The following GLB1 variants were observed in gnomAD, a reference collection of about 807,000 sequenced individuals.
GLB1 encodes the protein galactosidase beta 1.
A neutral mutation model predicts 74.0 loss-of-function variants in GLB1; 56 were observed. That is an observed-to-expected ratio of 0.76 (90% confidence interval 0.61 to 0.94). The LOEUF (loss-of-function observed/expected upper bound fraction) is 0.94. GLB1 is among the 40% of genes least tolerant of loss of function. The pLI is 0.00. For missense variants in GLB1, 787 were observed against 845.5 expected, an observed-to-expected ratio of 0.93 and a Z score of 0.86; for synonymous variants, 323 against 323.6, an observed-to-expected ratio of 1.00 and a Z score of 0.02.
At chr3:33,018,368 C>CA (rs1697327400) in intron 13 of GLB1, 80 bp downstream of exon 13, 1 of 1,271,776 alleles carries the variant, frequency 7.9e-7, no homozygotes, top group Non-Finnish European at 1.1e-6. Context: ...GCAAAGACCC[C>CA]AAATGCTGTG....
At chr3:33,072,219 A>G (rs1699912524) in intron 2 of GLB1, among the ~76,000 whole-genome samples, 1 of 152,156 alleles carries the variant, frequency 6.6e-6, no homozygotes, top group African/African-American at 2.4e-5. Flanking sequence ...AATAATACCT[A>G]TCTCGAGGAA....
intron 10 of GLB1, among the ~76,000 whole-genome samples, chr3:33,026,242 C>T (rs546072393): frequency 4.0e-4 from 61 of 152,314 alleles, no homozygotes; most frequent in African/African-American, 1.4e-3. Flanking sequence ...CTTCTCCCAG[C>T]GCCACTCCGA....
chr3:32,966,882 C>A, the GLB1 span, among the ~76,000 whole-genome samples: 1 of 152,140 alleles, frequency 6.6e-6, no homozygotes, highest in Non-Finnish European at 1.5e-5. Flanking sequence ...GTAAGACGTG[C>A]CTTTGCTCCT....
intron 10 of GLB1, among the ~76,000 whole-genome samples, chr3:33,025,898 C>A (rs1336121286): frequency 6.6e-6 from 1 of 152,164 alleles, no homozygotes; most frequent in African/African-American, 2.4e-5. Context: ...ACCCTGGCCC[C>A]GCGTCACTGC....
the GLB1 span, among the ~76,000 whole-genome samples, chr3:32,976,865 A>T: frequency 4.2e-4 from 64 of 152,214 alleles, no homozygotes; most frequent in Non-Finnish European, 8.7e-4. Context: ...GGATGGTGGT[A>T]GAATATCTTT....
Position 33,001,585 on chromosome 3 carries a change from C to A in GLB1, c.1735-4241G>T, listed in dbSNP as rs143903345. On this transcript the variant is annotated intron_variant, in intron 15 of 15. Transcript: ENST00000307363. ...TATTATCATGATTTGAAATTCATAT[C>A]TTTTGTTTGATGACTAGTTTATGAG... 2.6e-5 allele frequency among the ~76,000 whole-genome samples: 4 copies of A among 152,186 alleles called. No individual in the cohort carries two copies. In the East Asian group the frequency reaches 7.7e-4, roughly 29 times the overall value.
At chr3:33,065,320 T>C (rs1015363199) in intron 5 of GLB1, 143 bp downstream of exon 5, 13 of 1,162,326 alleles carry the variant, frequency 1.1e-5, no homozygotes, top group African/African-American at 1.1e-4. Flanking sequence ...CCAAATGCAA[T>C]TGAACTAAAA....
At chr3:33,077,228 G>A (rs1700145557) in intron 1 of GLB1, 2 of 1,545,662 alleles carry the variant, frequency 1.3e-6, no homozygotes, top group Non-Finnish European at 1.7e-6. Context: ...GCCCAAGGAA[G>A]GAATCGAGAC....
chr3:32,969,902 G>A, the GLB1 span, among the ~76,000 whole-genome samples: 1 of 152,266 alleles, frequency 6.6e-6, no homozygotes. Context: ...TGGCCCCCGG[G>A]AGTTCAGGAA....
At chr3:32,985,975 G>T in the GLB1 span, among the ~76,000 whole-genome samples, 1 of 152,196 alleles carries the variant, frequency 6.6e-6, no homozygotes, top group African/African-American at 2.4e-5. Flanking sequence ...TCCTCCCAAA[G>T]TGCTGGGATT....
chr3:32,976,700 C>T, the GLB1 span, among the ~76,000 whole-genome samples: 1 of 152,230 alleles, frequency 6.6e-6, no homozygotes, highest in South Asian at 2.1e-4. Flanking sequence ...CTTCTTAGGG[C>T]CCCTTCCTCA....
At chr3:33,024,474 C>T (rs1043420652) in intron 10 of GLB1, 149 bp from the exon 11 acceptor site, 26 of 812,806 alleles carry the variant, frequency 3.2e-5, no homozygotes, top group Middle Eastern at 3.7e-4. Flanking sequence ...GAGACTTCTT[C>T]CAAAGCAGGA....
intron 15 of GLB1, among the ~76,000 whole-genome samples, chr3:33,009,517 T>G (rs1237251599): frequency 6.6e-6 from 1 of 151,086 alleles, no homozygotes; most frequent in Non-Finnish European, 1.5e-5. Context: ...AGCAAGACTG[T>G]CTCAAAAAAA....
In GLB1 at chr3:33,016,820, C is replaced by T. The variant is rs1163359484; in HGVS notation, c.1368G>A (p.Glu456=). 1.2e-6 allele frequency: 2 copies of T among 1,614,096 alleles called. No individual in the cohort carries two copies. Among genetic ancestry groups the T allele is most frequent in the South Asian group, 1.1e-5 (1 of 91,074 alleles). The change falls in exon 14 of 16, where the codon GAG becomes GAA. Residue 456 remains glutamate (E), a synonymous_variant. Coordinates refer to ENST00000307363, the MANE Select transcript of GLB1 (RefSeq NM_000404.4). ...AVDGIPQGVL[E]RNNVITLNIT... ...TGTTCAGAGTGATCACATTGTTTCG[C>T]TCAAGGACTCCCTGGGGGATCTGTG... is the stretch of plus-strand genomic sequence containing the variant.
intron 1 of GLB1, among the ~76,000 whole-genome samples, chr3:33,083,837 T>A (rs1032663949): frequency 6.6e-6 from 1 of 152,176 alleles, no homozygotes; most frequent in African/African-American, 2.4e-5. Flanking sequence ...TAAATAAGCA[T>A]CTTTTTTAAA....
chr3:33,064,217 T>G (rs1262680845), intron 5 of GLB1, among the ~76,000 whole-genome samples: 4 of 149,754 alleles, frequency 2.7e-5, no homozygotes, highest in African/African-American at 4.9e-5. Context: ...GGTGGGTGAA[T>G]CACCTGAGGT....
chr3:33,078,388 A>AT (rs1274422502), intron 1 of GLB1, among the ~76,000 whole-genome samples: 1 of 152,216 alleles, frequency 6.6e-6, no homozygotes, highest in East Asian at 1.9e-4. Flanking sequence ...GATTGGGCAT[A>AT]TTTTTTGTGC....
At chr3:33,059,635 C>T (rs1317144510) in intron 5 of GLB1, among the ~76,000 whole-genome samples, 2 of 152,094 alleles carry the variant, frequency 1.3e-5, no homozygotes, top group Non-Finnish European at 2.9e-5. Flanking sequence ...TGGTCATAAG[C>T]GTCAGGACAG....
At chr3:32,968,354 G>GA in the GLB1 span, among the ~76,000 whole-genome samples, 5 of 151,776 alleles carry the variant, frequency 3.3e-5, no homozygotes, top group Middle Eastern at 3.4e-3. Context: ...GCCATGGTAT[G>GA]AAAAAAAACA....
Sources: gnomAD v4.1 joint callset for allele counts (sites outside exome capture counted in the v4.1 genomes callset) on GRCh38, gnomAD v4.1.1 for gene constraint, MANE v1.5 for transcripts, NCBI Gene and HGNC (gene_info 2026-07-23, HGNC 2026-07-21) for gene names.